Variants in UBE3A observed in about 807,000 individuals in gnomAD.
The protein encoded by UBE3A is ubiquitin protein ligase E3A, also known as ubiquitin-protein ligase E3A.
UBE3A carries 6 observed loss-of-function variants against 83.4 expected under a neutral mutation model. That is an observed-to-expected ratio of 0.07 (90% CI 0.04 to 0.14). The LOEUF is 0.14. UBE3A is among the 10% of genes least tolerant of loss of function. The pLI, the probability that UBE3A is intolerant of heterozygous loss-of-function variation, is 1.00. For missense variants in UBE3A, 456 were observed against 1,036.1 expected (o/e 0.44, Z 7.69); for synonymous variants, 337 against 355.4 (o/e 0.95, Z 0.58).
chr15:25,436,824 A>C (rs1204569252), intron 1 of UBE3A, among the ~76,000 whole-genome samples: 2 of 152,198 alleles, frequency 1.3e-5, no homozygotes, highest in Non-Finnish European at 2.9e-5. Context: ...TCTGAAAGGA[A>C]ATCAAAACAC....
intron 4 of UBE3A, chr15:25,391,922 G>C (rs1263382778): frequency 1.3e-5 from 2 of 152,214 alleles, no homozygotes; most frequent in Admixed American, 1.3e-4. Flanking sequence ...TGACTTGCTA[G>C]GGACTGAGGG....
intron 9 of UBE3A, among the ~76,000 whole-genome samples, chr15:25,355,035 T>C (rs189055261): frequency 1.3e-5 from 2 of 152,334 alleles, no homozygotes; most frequent in Admixed American, 1.3e-4. Flanking sequence ...TCAATTTCGA[T>C]AATGTATTAA....
chr15:25,401,298 C>T (rs762295076), intron 4 of UBE3A, among the ~76,000 whole-genome samples: 1 of 152,124 alleles, frequency 6.6e-6, no homozygotes, highest in Non-Finnish European at 1.5e-5. Flanking sequence ...GCTTTGGTAT[C>T]TAGGTAATGC....
chr15:25,436,335 C>T (rs1008486095), intron 1 of UBE3A, among the ~76,000 whole-genome samples: 29 of 152,176 alleles, frequency 1.9e-4, no homozygotes, highest in African/African-American at 6.8e-4. Flanking sequence ...AATGTTTCTA[C>T]ATTTAGACCT....
chr15:25,428,241 A>T (rs1891993302), intron 1 of UBE3A, among the ~76,000 whole-genome samples: 1 of 152,222 alleles, frequency 6.6e-6, no homozygotes, highest in South Asian at 2.1e-4. Context: ...ACAAAATTTT[A>T]AAAATTCAAT....
intron 4 of UBE3A, among the ~76,000 whole-genome samples, chr15:25,398,771 T>TTATATATATATATATA (rs1159969391): frequency 4.2e-4 from 29 of 68,900 alleles, no homozygotes; most frequent in African/African-American, 7.6e-4. Flanking sequence ...ATTCTTTTAT[T>TTATATATATATATATA]TATATATATA....
intron 4 of UBE3A, among the ~76,000 whole-genome samples, chr15:25,394,028 G>C (rs957306241): frequency 6.6e-6 from 1 of 152,076 alleles, no homozygotes; most frequent in Non-Finnish European, 1.5e-5. Context: ...TATTCTTCCT[G>C]CCTAGAACAC....
At chr15:25,340,365 G>T in intron 11 of UBE3A, 137 bp from the exon 12 acceptor site, 1 of 1,088,262 alleles carries the variant, frequency 9.2e-7, no homozygotes, top group Non-Finnish European at 1.3e-6. Context: ...CACTTCTGGT[G>T]ATTTAAAAAT....
At chr15:25,373,247 A>G (rs1366387251) in intron 5 of UBE3A, among the ~76,000 whole-genome samples, 1 of 152,228 alleles carries the variant, frequency 6.6e-6, no homozygotes, top group Non-Finnish European at 1.5e-5. Flanking sequence ...AAAATGTAAC[A>G]TAACAGAAAA....
chr15:25,396,114 A>G (rs1194503705), intron 4 of UBE3A, among the ~76,000 whole-genome samples: 7 of 151,606 alleles, frequency 4.6e-5, no homozygotes. Flanking sequence ...AGGCAGGAGA[A>G]TTGCTTCATC....
chr15:25,381,449 T>C (rs943013255), intron 4 of UBE3A, among the ~76,000 whole-genome samples: 1 of 151,860 alleles, frequency 6.6e-6, no homozygotes, highest in African/African-American at 2.4e-5. Flanking sequence ...AACTGTGAGA[T>C]GCAATATAAA....
Position 25,436,659 on chromosome 15 carries a change from T to C in UBE3A, c.-165+1830A>G, listed in dbSNP as rs371553791. Among the ~76,000 whole-genome samples the C allele has an allele frequency of 1.8e-4, 28 of 152,240 alleles. No individual in the cohort carries two copies. The East Asian group carries it at 5.2e-3, about 28-fold the overall frequency. The stretch of plus-strand genomic sequence containing the variant: ...TGTCAAAGACACTGTAGGTACCCAA[T>C]AAATCCTGTTAAATGGACTGCACAA... On this transcript the variant is annotated intron_variant, in intron 1 of 12. Coordinates refer to ENST00000648336, the MANE Select transcript of UBE3A (RefSeq NM_130839.5).
chr15:25,394,282 C>A (rs1378809065), intron 4 of UBE3A, among the ~76,000 whole-genome samples: 1 of 152,162 alleles, frequency 6.6e-6, no homozygotes, highest in Admixed American at 6.5e-5. Flanking sequence ...TCTTCTGATA[C>A]TGTCTCGATA....
chr15:25,422,260 G>C (rs1281583048), intron 1 of UBE3A, among the ~76,000 whole-genome samples: 1 of 152,070 alleles, frequency 6.6e-6, no homozygotes, highest in Non-Finnish European at 1.5e-5. Flanking sequence ...TGGTTGCCTG[G>C]GGCCAAGAGG....
At chr15:25,389,825 T>A (rs1179044385) in intron 4 of UBE3A, among the ~76,000 whole-genome samples, 1 of 150,322 alleles carries the variant, frequency 6.7e-6, no homozygotes, top group Non-Finnish European at 1.5e-5. Context: ...GTGGCAGAGG[T>A]TGCAGGGAGC....
chr15:25,415,824 T>G (rs1015627648), intron 1 of UBE3A: 1 of 146,630 alleles, frequency 6.8e-6, no homozygotes, highest in Non-Finnish European at 1.5e-5. Flanking sequence ...CTATGTTTTC[T>G]TGACACCATA....
intron 4 of UBE3A, among the ~76,000 whole-genome samples, chr15:25,391,366 A>C (rs956178868): frequency 6.6e-6 from 1 of 152,224 alleles, no homozygotes; most frequent in Non-Finnish European, 1.5e-5. Flanking sequence ...AGAGTTGTTC[A>C]ATGAATGTAG....
intron 11 of UBE3A, among the ~76,000 whole-genome samples, chr15:25,350,223 C>T (rs1595513167): frequency 6.6e-6 from 1 of 151,892 alleles, no homozygotes; most frequent in Admixed American, 6.6e-5. Flanking sequence ...ATTGCATGAG[C>T]CCAGGAGTTT....
At chr15:25,402,783 G>A (rs983929044) in intron 4 of UBE3A, among the ~76,000 whole-genome samples, 2 of 152,156 alleles carry the variant, frequency 1.3e-5, no homozygotes, top group African/African-American at 4.8e-5. Flanking sequence ...TTTTCAATGT[G>A]TCTTTTCTTA....
Sources: allele counts gnomAD v4.1 joint callset (sites outside exome capture counted in the v4.1 genomes callset), GRCh38; gene constraint gnomAD v4.1.1; transcripts MANE v1.5; gene names NCBI Gene and HGNC (gene_info 2026-07-23, HGNC 2026-07-21).